Variants in DISP1 observed in about 807,000 individuals in gnomAD.
DISP1 encodes the protein dispatched RND transporter family member 1, also known as protein dispatched homolog 1.
A neutral mutation model predicts 37.3 loss-of-function variants in DISP1; 30 were observed. That is an observed-to-expected ratio of 0.80 (90% CI 0.60 to 1.09). DISP1 has a LOEUF of 1.09. DISP1 is among the 50% of genes least tolerant of loss of function. The probability of loss-of-function intolerance (pLI) is 0.00; values close to 1 mark genes in which losing one functional copy is unlikely to be tolerated. For missense variants in DISP1, 1,598 were observed against 1,879.5 expected, an observed-to-expected ratio of 0.85 and a Z score of 2.77; for synonymous variants, 634 against 690.2, an observed-to-expected ratio of 0.92 and a Z score of 1.28.
chr1:222,877,209 G>A (rs891030020), intron 1 of DISP1, among the ~76,000 whole-genome samples: 3 of 152,156 alleles, frequency 2.0e-5, no homozygotes, highest in African/African-American at 4.8e-5. Flanking sequence ...ATGCCTTTGT[G>A]TTAGTCTGTT....
intron 1 of DISP1, among the ~76,000 whole-genome samples, chr1:222,883,244 G>GT (rs1427064542): frequency 1.3e-5 from 2 of 152,060 alleles, no homozygotes. Flanking sequence ...TTTAGAAGCA[G>GT]TAACAGTACC....
Position 222,943,152 on chromosome 1 carries a change from C to T in DISP1, c.329C>T (p.Ser110Phe). 6.2e-7 allele frequency: 1 copy of T among 1,612,356 alleles called. No individual in the cohort carries two copies. Among genetic ancestry groups the T allele is most frequent in the East Asian group, 2.2e-5 (1 of 44,830 alleles). ...CCCGAGGCTGGCCCTGCAGCACCCT[C>T]TGCTTTGGCCTCGTGTTGCATGCAG... ...CHPEAGPAAPSALASCCMQPH... is the reference protein window; with the variant it reads ...CHPEAGPAAPFALASCCMQPH... Residue 110 changes from serine to phenylalanine, a missense_variant, in exon 3 of 9, where the codon TCT (serine) becomes TTT (phenylalanine). Transcript: ENST00000675850.
At chr1:222,849,501 A>AG (rs1278750799) in intron 1 of DISP1, among the ~76,000 whole-genome samples, 4 of 152,182 alleles carry the variant, frequency 2.6e-5, no homozygotes, top group Admixed American at 1.3e-4. Flanking sequence ...CTAAAAAAAA[A>AG]ATGTATCCAT....
chr1:222,958,776 G>T (rs775583497), intron 3 of DISP1, among the ~76,000 whole-genome samples: 1 of 152,202 alleles, frequency 6.6e-6, no homozygotes, highest in African/African-American at 2.4e-5. Context: ...CAGAACATCA[G>T]TATCCCATAA....
chr1:222,987,771 A>T (rs1678385080), intron 4 of DISP1, among the ~76,000 whole-genome samples: 1 of 152,220 alleles, frequency 6.6e-6, no homozygotes, highest in African/African-American at 2.4e-5. Context: ...CTTCTGATTC[A>T]TTTGAGAGAA....
At chr1:222,951,030 C>A (rs998209135) in intron 3 of DISP1, among the ~76,000 whole-genome samples, 2 of 152,094 alleles carry the variant, frequency 1.3e-5, no homozygotes, top group African/African-American at 2.4e-5. Context: ...TTTTTGGGTA[C>A]CTGCCAAATG....
At chr1:222,833,201 A>G (rs987626740) in intron 1 of DISP1, among the ~76,000 whole-genome samples, 1 of 152,204 alleles carries the variant, frequency 6.6e-6, no homozygotes, top group African/African-American at 2.4e-5. Flanking sequence ...AGATTGGGAT[A>G]GATATCTGAT....
chr1:223,002,331 A>G (rs1280261643), intron 8 of DISP1, 54 bp from the exon 9 acceptor site: 9 of 1,527,694 alleles, frequency 5.9e-6, no homozygotes, highest in East Asian at 2.3e-5. Flanking sequence ...CCAGTTGTGA[A>G]CGATTGTGAA....
At chr1:222,864,671 A>G (rs1299558093) in intron 1 of DISP1, among the ~76,000 whole-genome samples, 1 of 152,198 alleles carries the variant, frequency 6.6e-6, no homozygotes, top group Non-Finnish European at 1.5e-5. Flanking sequence ...CTAATTATGA[A>G]AATTGTAGCT....
chr1:223,004,700 A>G lies in DISP1; in HGVS notation c.3303A>G (p.Thr1101=), dbSNP rs747311636. Residue 1101 remains threonine, a synonymous_variant, in exon 9 of 9, where the codon ACA becomes ACG. Coordinates refer to ENST00000675850, the MANE Select transcript of DISP1 (RefSeq NM_001377229.1). The surrounding 1 kb of genome is among the most constrained non-coding windows in gnomAD (Gnocchi z 4.9). The part of the protein sequence containing the change: ...FVAGAMMMPS[T]VLAYTQLGTF... ...CAGGGGCCATGATGATGCCCTCCAC[A>G]GTTCTAGCTTACACCCAGCTGGGCA... is the stretch of plus-strand genomic sequence containing the variant. 1.9e-6 allele frequency: 3 copies of G among 1,613,880 alleles called. No homozygotes were observed. The highest frequency in any genetic ancestry group is 2.7e-5 in the African/African-American group (2 of 74,888).
At chr1:222,837,875 G>A (rs1404482535) in intron 1 of DISP1, among the ~76,000 whole-genome samples, 3 of 152,108 alleles carry the variant, frequency 2.0e-5, no homozygotes, top group African/African-American at 7.2e-5. Flanking sequence ...TCTCACAAAG[G>A]TTAGTTTATA....
At chr1:222,924,883 G>A (rs759040173) in intron 1 of DISP1, among the ~76,000 whole-genome samples, 1 of 152,232 alleles carries the variant, frequency 6.6e-6, no homozygotes, top group East Asian at 1.9e-4. Flanking sequence ...AAAGTACCAA[G>A]TGTTGTGCCT....
intron 1 of DISP1, among the ~76,000 whole-genome samples, chr1:222,831,326 A>C (rs1162943702): frequency 6.6e-6 from 1 of 152,224 alleles, no homozygotes; most frequent in Non-Finnish European, 1.5e-5. Flanking sequence ...TATGTAAAAA[A>C]TGGGGAGATT....
rs553877565 is a variant in DISP1, at chr1:222,929,523, A to C, written c.-18+953A>C. Among the ~76,000 whole-genome samples, 551 of 152,264 alleles carry C rather than the reference A, an allele frequency of 3.6e-3. 4 individuals are homozygous for C. The highest frequency in any genetic ancestry group is 0.027 in the East Asian group (138 of 5,186). On this transcript the variant is annotated intron_variant, in intron 2 of 8. Coordinates refer to ENST00000675850, the MANE Select transcript of DISP1 (RefSeq NM_001377229.1). ...ATTTTACAAATAGGTATTCTTGTTG[A>C]ACGAAGAAGAAGGAAATGTGTCCTT...
At chr1:222,940,075 G>A (rs536648851) in intron 2 of DISP1, among the ~76,000 whole-genome samples, 6 of 151,304 alleles carry the variant, frequency 4.0e-5, no homozygotes, top group Admixed American at 6.6e-5. Flanking sequence ...ACAGTGAGCC[G>A]AGATCGCGCC....
intron 3 of DISP1, among the ~76,000 whole-genome samples, chr1:222,966,903 C>G (rs1205196611): frequency 6.6e-6 from 1 of 152,090 alleles, no homozygotes; most frequent in Admixed American, 6.5e-5. Flanking sequence ...ACCCTCTTGG[C>G]CAGTCCATAT....
At chr1:222,997,168 A>G (rs1474011549) in intron 8 of DISP1, among the ~76,000 whole-genome samples, 1 of 152,032 alleles carries the variant, frequency 6.6e-6, no homozygotes, top group Non-Finnish European at 1.5e-5. Flanking sequence ...TGAGATAAAT[A>G]AGTTGAATGA....
intron 2 of DISP1, among the ~76,000 whole-genome samples, chr1:222,929,264 T>G (rs533645082): frequency 7.2e-5 from 11 of 152,302 alleles, no homozygotes; most frequent in African/African-American, 2.6e-4. Flanking sequence ...AAAATATATT[T>G]GCTGTATTCA....
intron 1 of DISP1, among the ~76,000 whole-genome samples, chr1:222,869,748 G>C (rs1157487919): frequency 6.6e-6 from 1 of 151,930 alleles, no homozygotes; most frequent in Non-Finnish European, 1.5e-5. Context: ...TTTTAAATGA[G>C]ACTGTTAAAG....
Sources: gnomAD v4.1 joint callset for allele counts (sites outside exome capture counted in the v4.1 genomes callset) on GRCh38, gnomAD v4.1.1 for gene constraint, Gnocchi (gnomAD v3.1) non-coding constraint, MANE v1.5 for transcripts, NCBI Gene and HGNC (gene_info 2026-07-23, HGNC 2026-07-21) for gene names.